The following RAP1A variants were observed in gnomAD, a reference collection of about 807,000 sequenced individuals.
The protein encoded by RAP1A is RAP1A, member of RAS oncogene family, also known as ras-related protein Rap-1A.
RAP1A carries 6 observed loss-of-function variants against 26.4 expected under a neutral mutation model. The observed-to-expected ratio is 0.23, with a 90% CI of 0.12 to 0.45. The LOEUF (loss-of-function observed/expected upper bound fraction) is 0.45, where lower values mean the gene tolerates loss of function less well. RAP1A is among the 20% of genes least tolerant of loss of function. RAP1A has a pLI of 0.99. For missense variants in RAP1A, 121 were observed against 217.2 expected, an observed-to-expected ratio of 0.56 and a Z score of 2.78; for synonymous variants, 73 against 79.4, an observed-to-expected ratio of 0.92 and a Z score of 0.43.
At chr1:111,640,731 A>G (rs1324888) in intron 1 of RAP1A, among the ~76,000 whole-genome samples, 134,283 of 152,250 alleles carry the variant, frequency 0.88, 59,550 homozygotes, top group African/African-American at 0.97. Flanking sequence ...AGGCCAAGGT[A>G]GGAGGATAGC....
chr1:111,665,548 A>G (rs1002823989), intron 1 of RAP1A, among the ~76,000 whole-genome samples: 4 of 152,204 alleles, frequency 2.6e-5, no homozygotes, highest in African/African-American at 4.8e-5. Context: ...TTTGTCTGCA[A>G]TGATAATAGT....
At chr1:111,608,779 CAA>C (rs1342254470) in intron 1 of RAP1A, 1 of 156,846 alleles carries the variant, frequency 6.4e-6, no homozygotes, top group Admixed American at 6.5e-5. Context: ...CGCGCGCCTG[CAA>C]TTGCAGGCAC....
chr1:111,624,359 A>G (rs1006830015), intron 1 of RAP1A, among the ~76,000 whole-genome samples: 1 of 152,150 alleles, frequency 6.6e-6, no homozygotes, highest in African/African-American at 2.4e-5. Flanking sequence ...AGTAGTTTTT[A>G]TGTGCTTTTT....
At position 111,629,082 on chromosome 1, in the gene RAP1A, G is replaced by A. The variant is rs1004464189; in HGVS notation, c.-28+9148G>A. ...TGAAATTCTTCTGCATGTGGTTTTT[G>A]TAGCATTTGTGATTGCTGCAGGACT... On this transcript the variant is annotated intron_variant, in intron 1 of 7. Transcript: ENST00000369709. Among the ~76,000 whole-genome samples the A allele has an allele frequency of 1.1e-4, 16 of 152,104 alleles. No individual in the cohort carries two copies. In the East Asian group the frequency reaches 3.1e-3, roughly 29 times the overall value.
At chr1:111,606,156 C>T (rs925468920) in intron 1 of RAP1A, among the ~76,000 whole-genome samples, 2 of 152,202 alleles carry the variant, frequency 1.3e-5, no homozygotes, top group African/African-American at 4.8e-5. Flanking sequence ...GGGTGATCAT[C>T]TTTAACCCTG....
intron 1 of RAP1A, among the ~76,000 whole-genome samples, chr1:111,595,473 A>C (rs2101068718): frequency 6.6e-6 from 1 of 152,334 alleles, no homozygotes; most frequent in South Asian, 2.1e-4. Flanking sequence ...CATCCTAGAG[A>C]ATAGAGATGA....
rs1303746898 is a variant in RAP1A at position 111,713,657 on chromosome 1, AGTATG to A, written c.*1260_*1264del. On this transcript the variant is annotated 3_prime_UTR_variant, in exon 8 of 8. Coordinates refer to ENST00000369709, the MANE Select transcript of RAP1A (RefSeq NM_002884.4). Reference sequence around the variant, plus strand: ...CTTTTGCTTAAACTACTTATGAAATAGTATGGTAGTAGTAATATGGAAGAGATTGC... The same window carrying A: ...CTTTTGCTTAAACTACTTATGAAATAGTAGTAGTAATATGGAAGAGATTGC... 1.3e-5 allele frequency: 2 copies of A among 152,260 alleles called. No homozygotes were observed. Among genetic ancestry groups the A allele is most frequent in the Non-Finnish European group, 2.9e-5 (2 of 68,038 alleles). 9.4% of individuals were successfully genotyped at this position (152,260 alleles called of 1,614,324 possible). A position where few individuals can be genotyped will look rare whatever the true frequency, so the allele number is the denominator to read the frequency against.
chr1:111,627,205 T>A (rs952589931), intron 1 of RAP1A, among the ~76,000 whole-genome samples: 5 of 152,090 alleles, frequency 3.3e-5, no homozygotes, highest in Non-Finnish European at 7.4e-5. Context: ...CCAGAAAAAA[T>A]TACTACTGAT....
At chr1:111,700,307 A>G (rs1201983756) in intron 4 of RAP1A, among the ~76,000 whole-genome samples, 5 of 152,226 alleles carry the variant, frequency 3.3e-5, no homozygotes, top group African/African-American at 9.6e-5. Context: ...TCTGCAGGCT[A>G]TACAAGCATA....
chr1:111,709,241 T>G lies in RAP1A; in HGVS notation c.*6T>G. ...AATCATGTCTGCTGCTCTAGGCCCA[T>G]AGTCAGCAGCAGCTCTGAGCCAGGT... On this transcript the variant is annotated 3_prime_UTR_variant, in exon 7 of 8. Transcript: ENST00000369709. 1 of 1,606,048 alleles carries G rather than the reference T, an allele frequency of 6.2e-7. No homozygotes were observed. Among genetic ancestry groups the G allele is most frequent in the Non-Finnish European group, 8.5e-7 (1 of 1,177,664 alleles).
intron 1 of RAP1A, among the ~76,000 whole-genome samples, chr1:111,657,973 G>A (rs1346517305): frequency 2.0e-5 from 3 of 152,130 alleles, no homozygotes; most frequent in Non-Finnish European, 4.4e-5. Context: ...GTAGTAGTCA[G>A]AAAACATACC....
chr1:111,577,007 A>T (rs910292678), intron 1 of RAP1A, among the ~76,000 whole-genome samples: 2 of 152,140 alleles, frequency 1.3e-5, no homozygotes, highest in African/African-American at 4.8e-5. Context: ...GTCCCCTGAG[A>T]CCCAGGAAGT....
intron 1 of RAP1A, among the ~76,000 whole-genome samples, chr1:111,620,645 T>C (rs1659170842): frequency 6.6e-6 from 1 of 152,208 alleles, no homozygotes; most frequent in Non-Finnish European, 1.5e-5. Context: ...TTTCCCGCCT[T>C]CTTTACCCTC....
chr1:111,659,205 A>G (rs898213940), intron 1 of RAP1A, among the ~76,000 whole-genome samples: 2 of 152,164 alleles, frequency 1.3e-5, no homozygotes, highest in African/African-American at 4.8e-5. Flanking sequence ...ACCAAACCTT[A>G]TATGTACTGT....
chr1:111,665,980 A>C (rs1660787150), intron 1 of RAP1A, among the ~76,000 whole-genome samples: 1 of 152,186 alleles, frequency 6.6e-6, no homozygotes, highest in African/African-American at 2.4e-5. Context: ...TTTTCATTTC[A>C]TTTGTTTCTA....
intron 1 of RAP1A, among the ~76,000 whole-genome samples, chr1:111,641,791 C>T (rs1015606072): frequency 1.3e-5 from 2 of 152,092 alleles, no homozygotes; most frequent in African/African-American, 4.8e-5. Context: ...TTGCATAGTA[C>T]AGATTAGATA....
rs1441080670 is a variant in RAP1A, at chr1:111,608,364, G to C, written c.-28+65855G>C. 5.7e-4 allele frequency: 91 copies of C among 159,150 alleles called. 1 individual carries two copies. Among genetic ancestry groups the C allele is most frequent in the Non-Finnish European group, 5.3e-4 (39 of 73,770 alleles). The allele number at this position is 159,150 out of a possible 1,614,324, so 9.9% of individuals were successfully genotyped here. A position where few individuals can be genotyped will look rare whatever the true frequency, so the allele number is the denominator to read the frequency against. ...GGATGGCGACCGGGAAGAGGCGCTC[G>C]TCACTTCCTAGATGGGATGGCGGCC... is the stretch of plus-strand genomic sequence containing the variant. On this transcript the variant is annotated intron_variant, in intron 1 of 7. Coordinates refer to the RAP1A transcript ENST00000356415.
At chr1:111,637,759 A>G (rs935934303) in intron 1 of RAP1A, among the ~76,000 whole-genome samples, 1 of 152,128 alleles carries the variant, frequency 6.6e-6, no homozygotes. Context: ...CTAATGGATA[A>G]ATACTATAGA....
chr1:111,653,469 G>C (rs1379688457), intron 1 of RAP1A, among the ~76,000 whole-genome samples: 2 of 151,938 alleles, frequency 1.3e-5, no homozygotes, highest in African/African-American at 4.8e-5. Context: ...ATCACCTGAG[G>C]TTGGGAGTTT....
Sources: gnomAD v4.1 joint callset for allele counts (sites outside exome capture counted in the v4.1 genomes callset) on GRCh38, gnomAD v4.1.1 for gene constraint, MANE v1.5 for transcripts, NCBI Gene and HGNC (gene_info 2026-07-23, HGNC 2026-07-21) for gene names.